Variants in DLG5 observed in about 807,000 individuals in gnomAD.
DLG5 encodes disks large homolog 5.
DLG5 carries 48 observed loss-of-function variants against 189.8 expected under a neutral mutation model. That is an observed-to-expected ratio of 0.25 (90% CI 0.20 to 0.32). The LOEUF (loss-of-function observed/expected upper bound fraction) is 0.32, where lower values mean the gene tolerates loss of function less well. DLG5 is among the 10% of genes least tolerant of loss of function. The pLI, the probability that DLG5 is intolerant of heterozygous loss-of-function variation, is 1.00. For missense variants in DLG5, 2,160 were observed against 2,544.7 expected, an observed-to-expected ratio of 0.85 and a Z score of 3.25; for synonymous variants, 1,016 against 1,054.1, an observed-to-expected ratio of 0.96 and a Z score of 0.70.
intron 1 of DLG5, among the ~76,000 whole-genome samples, chr10:77,901,731 G>A (rs1845933258): frequency 6.6e-6 from 1 of 152,190 alleles, no homozygotes; most frequent in Non-Finnish European, 1.5e-5. Flanking sequence ...CTGGACATAA[G>A]GACGCCAGGA....
chr10:77,849,606 A>G (rs576678718), intron 5 of DLG5, among the ~76,000 whole-genome samples: 6 of 152,232 alleles, frequency 3.9e-5, no homozygotes, highest in Non-Finnish European at 5.9e-5. Context: ...GGGGACCCCA[A>G]TGACCAGGAT....
At chr10:77,911,562 T>C (rs762777213) in intron 1 of DLG5, among the ~76,000 whole-genome samples, 7 of 152,160 alleles carry the variant, frequency 4.6e-5, no homozygotes, top group Non-Finnish European at 7.3e-5. Flanking sequence ...AATGGTCAAA[T>C]ATGTGCAGAT....
the DLG5 span, among the ~76,000 whole-genome samples, chr10:77,939,667 C>T: frequency 1.3e-5 from 2 of 152,178 alleles, no homozygotes; most frequent in African/African-American, 4.8e-5. Context: ...AAGCAAACCT[C>T]CTTTGTGTAG....
chr10:77,882,371 A>C (rs917419949), intron 1 of DLG5, among the ~76,000 whole-genome samples: 1 of 152,200 alleles, frequency 6.6e-6, no homozygotes, highest in African/African-American at 2.4e-5. Context: ...CGTGCAGAGC[A>C]AATGAAATAC....
intron 1 of DLG5, among the ~76,000 whole-genome samples, chr10:77,874,888 G>C (rs895311618): frequency 6.6e-6 from 1 of 152,126 alleles, no homozygotes; most frequent in African/African-American, 2.4e-5. Context: ...AGCTGTACTA[G>C]AGTGACAAGT....
intron 15 of DLG5, chr10:77,820,717 G>A (rs912304015): frequency 2.0e-4 from 51 of 260,062 alleles, no homozygotes; most frequent in Non-Finnish European, 3.1e-4. Flanking sequence ...GACAGCACAC[G>A]CAATCAGGCC....
chr10:77,803,017 C>A (rs1179075245), intron 27 of DLG5, among the ~76,000 whole-genome samples: 1 of 152,196 alleles, frequency 6.6e-6, no homozygotes, highest in African/African-American at 2.4e-5. Flanking sequence ...GCAATGATTT[C>A]TCTTAGCAGT....
rs1842857075 is a variant in DLG5, at chr10:77,830,741, C to G, written c.1881G>C (p.Thr627=). Residue 627 remains threonine (T), a splice_region_variant and synonymous_variant, in exon 10 of 32, where the codon ACG becomes ACC. Coordinates refer to ENST00000372391, the MANE Select transcript of DLG5 (RefSeq NM_004747.4). ...AGAAGAACCATCAGAGGCAGCTTACCGTCTCCCTCTCGAACTCTACAACTT... is the reference window on the plus strand; with the variant it reads ...AGAAGAACCATCAGAGGCAGCTTACGGTCTCCCTCTCGAACTCTACAACTT... The part of the protein sequence containing the change: ...ETEVVEFERE[T]EDIDLKALGF... 6.2e-7 allele frequency: 1 copy of G among 1,613,938 alleles called. No homozygotes were observed.
chr10:77,808,981 C>T (rs1338264140), intron 24 of DLG5, among the ~76,000 whole-genome samples: 1 of 151,996 alleles, frequency 6.6e-6, no homozygotes, highest in Non-Finnish European at 1.5e-5. Context: ...TGCCTGTAAT[C>T]TCAGCTACTC....
intron 27 of DLG5, among the ~76,000 whole-genome samples, chr10:77,797,508 G>C (rs907030363): frequency 6.6e-6 from 1 of 152,224 alleles, no homozygotes; most frequent in Non-Finnish European, 1.5e-5. Context: ...TTCCAGGAGC[G>C]GCGGGCTTCA....
At chr10:77,874,489 A>G (rs2154577195) in intron 1 of DLG5, among the ~76,000 whole-genome samples, 1 of 152,308 alleles carries the variant, frequency 6.6e-6, no homozygotes, top group African/African-American at 2.4e-5. Context: ...TCCACACCTG[A>G]CCTCATGTGA....
chr10:77,909,700 T>C (rs577512060), intron 1 of DLG5, among the ~76,000 whole-genome samples: 1 of 152,188 alleles, frequency 6.6e-6, no homozygotes, highest in South Asian at 2.1e-4. Flanking sequence ...CATAGGCGCA[T>C]ATATACTCAC....
chr10:77,930,574 C>G (rs1280040537), upstream of DLG5, among the ~76,000 whole-genome samples: 2 of 151,796 alleles, frequency 1.3e-5, no homozygotes. Context: ...GTCTCGAACT[C>G]CTGACCTCAG....
chr10:77,848,512 T>G (rs1009584658), intron 5 of DLG5, among the ~76,000 whole-genome samples: 1 of 152,140 alleles, frequency 6.6e-6, no homozygotes, highest in Admixed American at 6.5e-5. Flanking sequence ...AGGCTCAAAC[T>G]TCAAAACATG....
At chr10:77,839,361 C>T (rs976324575) in intron 7 of DLG5, among the ~76,000 whole-genome samples, 4 of 151,960 alleles carry the variant, frequency 2.6e-5, no homozygotes, top group Non-Finnish European at 4.4e-5. Context: ...ATTAGCTGGG[C>T]GTACTGGCAA....
chr10:77,916,452 C>T (rs752607518), intron 1 of DLG5, among the ~76,000 whole-genome samples: 7 of 151,650 alleles, frequency 4.6e-5, no homozygotes, highest in South Asian at 2.1e-4. Flanking sequence ...CCACCACGCC[C>T]GGCTAAATTT....
upstream of DLG5, chr10:77,929,022 T>C (rs1350607355): frequency 6.6e-6 from 1 of 151,766 alleles, no homozygotes; most frequent in Non-Finnish European, 1.5e-5. Flanking sequence ...AGCAAGACTC[T>C]GTCTCAAAAA....
intron 1 of DLG5, among the ~76,000 whole-genome samples, chr10:77,910,513 T>C (rs1023174032): frequency 1.5e-4 from 23 of 152,172 alleles, no homozygotes; most frequent in Non-Finnish European, 5.9e-5. Flanking sequence ...CAGGAAAAAC[T>C]AGCCACGGAT....
chr10:77,888,769 C>T (rs1025942411), intron 1 of DLG5, among the ~76,000 whole-genome samples: 8 of 152,198 alleles, frequency 5.3e-5, no homozygotes, highest in African/African-American at 1.9e-4. Flanking sequence ...TCCTCTCAAG[C>T]TTTATGCATT....
Sources: allele counts gnomAD v4.1 joint callset (sites outside exome capture counted in the v4.1 genomes callset), GRCh38; gene constraint gnomAD v4.1.1; transcripts MANE v1.5; gene names NCBI Gene and HGNC (gene_info 2026-07-23, HGNC 2026-07-21).